Variants in EDAR observed in about 807,000 individuals in gnomAD.
The protein encoded by EDAR is tumor necrosis factor receptor superfamily member EDAR.
A neutral mutation model predicts 51.3 loss-of-function variants in EDAR; 38 were observed. That is an observed-to-expected ratio of 0.74 (90% CI 0.57 to 0.97). EDAR has a LOEUF of 0.97. Among genes scored for constraint, EDAR ranks in the 50% least tolerant of loss-of-function variants. The pLI is 0.00. For missense variants in EDAR, 528 were observed against 595.0 expected (o/e 0.89, Z 1.17); for synonymous variants, 227 against 242.1 (o/e 0.94, Z 0.58).
intron 1 of EDAR, among the ~76,000 whole-genome samples, chr2:108,948,709 G>A (rs1335965065): frequency 1.3e-5 from 2 of 152,036 alleles, no homozygotes; most frequent in East Asian, 3.9e-4. Context: ...AACAACATGG[G>A]GAAAACTGCT....
At chr2:108,971,738 T>C (rs1698237761) in intron 1 of EDAR, among the ~76,000 whole-genome samples, 1 of 152,212 alleles carries the variant, frequency 6.6e-6, no homozygotes, top group Non-Finnish European at 1.5e-5. Context: ...TCAGGTGTTG[T>C]GGTTTATAAC....
rs191592596 is a variant in EDAR, at chr2:108,930,259, G to T, written c.52-17C>A. The stretch of plus-strand genomic sequence containing the variant: ...CAGAGACACCTGCCAACAAAGGGGG[G>T]TGTTGTGGCCTCCGTACCTCCTTAG... On this transcript the variant is annotated splice_polypyrimidine_tract_variant and intron_variant, in intron 2 of 11. Coordinates refer to ENST00000258443, the MANE Select transcript of EDAR (RefSeq NM_022336.4). The T allele has an allele frequency of 1.2e-6, 2 of 1,614,050 alleles. No homozygotes were observed. The highest frequency in any genetic ancestry group is 1.7e-6 in the Non-Finnish European group (2 of 1,180,020).
At chr2:108,932,860 T>C (rs984634053) in intron 1 of EDAR, among the ~76,000 whole-genome samples, 9 of 152,194 alleles carry the variant, frequency 5.9e-5, no homozygotes, top group Non-Finnish European at 7.4e-5. Flanking sequence ...AGGCTGCTGC[T>C]TAACTTGTGG....
intron 1 of EDAR, among the ~76,000 whole-genome samples, chr2:108,966,933 A>G (rs952156428): frequency 6.6e-6 from 1 of 151,996 alleles, no homozygotes; most frequent in Admixed American, 6.5e-5. Context: ...CCAATTGTGC[A>G]TGGGTTTGTT....
chr2:108,986,311 T>G (rs1474013482), intron 1 of EDAR, among the ~76,000 whole-genome samples: 1 of 152,166 alleles, frequency 6.6e-6, no homozygotes, highest in African/African-American at 2.4e-5. Context: ...TTCCTCTTGA[T>G]CCCTCGCCTC....
At chr2:108,949,748 T>G (rs2104361587) in intron 1 of EDAR, among the ~76,000 whole-genome samples, 1 of 152,334 alleles carries the variant, frequency 6.6e-6, no homozygotes, top group African/African-American at 2.4e-5. Flanking sequence ...TGTCCTTATT[T>G]CTTCTCAAAC....
intron 11 of EDAR, among the ~76,000 whole-genome samples, chr2:108,902,967 A>G (rs535526727): frequency 6.6e-6 from 1 of 152,320 alleles, no homozygotes; most frequent in South Asian, 2.1e-4. Flanking sequence ...AAACGGTCCC[A>G]TTTGCAGATG....
intron 1 of EDAR, among the ~76,000 whole-genome samples, chr2:108,937,761 G>C (rs1458952916): frequency 1.3e-5 from 2 of 152,102 alleles, no homozygotes; most frequent in Non-Finnish European, 2.9e-5. Context: ...ATGAATGTAT[G>C]TGTGTGAATG....
intron 10 of EDAR, among the ~76,000 whole-genome samples, chr2:108,907,070 T>C (rs2105391849): frequency 6.6e-6 from 1 of 152,358 alleles, no homozygotes; most frequent in Non-Finnish European, 1.5e-5. Flanking sequence ...AAGAGGGCTC[T>C]GGCCACCTTT....
intron 11 of EDAR, 123 bp downstream of exon 11, chr2:108,906,185 A>C (rs1049434011): frequency 7.2e-6 from 7 of 977,072 alleles, no homozygotes; most frequent in Non-Finnish European, 9.8e-6. Context: ...ATTCTGACCA[A>C]AGTGCGGCAA....
chr2:108,904,110 A>G (rs1411416620), intron 11 of EDAR, among the ~76,000 whole-genome samples: 1 of 152,164 alleles, frequency 6.6e-6, no homozygotes, highest in Non-Finnish European at 1.5e-5. Flanking sequence ...AACCCTCAAA[A>G]CTCAACAGCA....
At chr2:108,962,830 A>T (rs1030209005) in intron 1 of EDAR, among the ~76,000 whole-genome samples, 4 of 152,164 alleles carry the variant, frequency 2.6e-5, no homozygotes, top group Non-Finnish European at 5.9e-5. Context: ...GAGCAGAGTG[A>T]TGCTGAATTA....
At chr2:108,971,841 C>T (rs191994961) in intron 1 of EDAR, among the ~76,000 whole-genome samples, 3 of 152,240 alleles carry the variant, frequency 2.0e-5, no homozygotes, top group African/African-American at 7.2e-5. Flanking sequence ...TCGTTTCTAG[C>T]CAACAGAAAA....
chr2:108,973,174 G>A (rs1418833409), intron 1 of EDAR, among the ~76,000 whole-genome samples: 2 of 152,312 alleles, frequency 1.3e-5, no homozygotes, highest in East Asian at 3.9e-4. Flanking sequence ...TTTTAGTAGA[G>A]ATGGGGTTTC....
intron 1 of EDAR, among the ~76,000 whole-genome samples, chr2:108,978,289 C>T (rs932255720): frequency 1.3e-5 from 2 of 152,146 alleles, no homozygotes; most frequent in Admixed American, 6.5e-5. Flanking sequence ...TTAAATACAC[C>T]ATCCATGTCT....
At chr2:108,951,701 T>C (rs1407947543) in intron 1 of EDAR, among the ~76,000 whole-genome samples, 1 of 152,160 alleles carries the variant, frequency 6.6e-6, no homozygotes, top group Non-Finnish European at 1.5e-5. Context: ...GAGGGTCTTA[T>C]ACTAGATCAT....
chr2:108,957,657 G>C (rs1486478080), intron 1 of EDAR, among the ~76,000 whole-genome samples: 1 of 152,182 alleles, frequency 6.6e-6, no homozygotes, highest in African/African-American at 2.4e-5. Flanking sequence ...TAATTGATGC[G>C]GCCTTACAAA....
chr2:108,929,272 C>T lies in EDAR; in HGVS notation c.282G>A (p.Glu94=). Residue 94 remains glutamate, a synonymous_variant, in exon 4 of 12, where the codon GAG becomes GAA. Coordinates refer to ENST00000258443, the MANE Select transcript of EDAR (RefSeq NM_022336.4). ...YQICRRHKDC[E]GFFRATVLTP... ...TCAGCACGGTGGCCCGGAAGAAGCC[C>T]TCACAGTCTTTGTGACGCCTGCATA... is the stretch of plus-strand genomic sequence containing the variant. 6.2e-7 allele frequency: 1 copy of T among 1,614,208 alleles called. No homozygotes were observed. Among genetic ancestry groups the T allele is most frequent in the South Asian group, 1.1e-5 (1 of 91,086 alleles).
intron 1 of EDAR, among the ~76,000 whole-genome samples, chr2:108,970,252 C>T (rs769722026): frequency 8.6e-5 from 13 of 152,026 alleles, no homozygotes; most frequent in African/African-American, 1.2e-4. Context: ...CCAGGTGGTA[C>T]GCATTTGAGT....
Sources: gnomAD v4.1 joint callset for allele counts (sites outside exome capture counted in the v4.1 genomes callset) on GRCh38, gnomAD v4.1.1 for gene constraint, MANE v1.5 for transcripts, NCBI Gene and HGNC (gene_info 2026-07-23, HGNC 2026-07-21) for gene names.